MPDZ: variants seen among roughly 807,000 people sequenced by gnomAD.
MPDZ encodes multiple PDZ domain crumbs cell polarity complex component.
A neutral mutation model predicts 239.1 loss-of-function variants in MPDZ; 234 were observed. The ratio of observed to expected loss-of-function variants is 0.98; its 90% CI spans 0.88 to 1.09. The LOEUF is 1.09. MPDZ is among the 50% of genes least tolerant of loss of function. The pLI, the probability that MPDZ is intolerant of heterozygous loss-of-function variation, is 0.00. For missense variants in MPDZ, 3,175 were observed against 2,510.0 expected (o/e 1.26, Z -5.66); for synonymous variants, 1,048 against 881.3 (o/e 1.19, Z -3.35).
chr9:13,266,034 C>A (rs1971718157), intron 1 of MPDZ, among the ~76,000 whole-genome samples: 1 of 152,216 alleles, frequency 6.6e-6, no homozygotes, highest in African/African-American at 2.4e-5. Context: ...CAAATGGCTT[C>A]TCCCGTCCTG....
intron 3 of MPDZ, among the ~76,000 whole-genome samples, chr9:13,226,375 T>C (rs1960616241): frequency 1.3e-5 from 2 of 152,112 alleles, no homozygotes; most frequent in South Asian, 4.1e-4. Flanking sequence ...TGACTTTTTA[T>C]CTGTAACTAC....
chr9:13,201,641 G>T (rs1956401848), intron 12 of MPDZ, among the ~76,000 whole-genome samples: 2 of 151,758 alleles, frequency 1.3e-5, no homozygotes, highest in African/African-American at 4.8e-5. Context: ...TCCTCTGATA[G>T]GGTTATTTCA....
intron 16 of MPDZ, 29 bp from the exon 17 acceptor site, chr9:13,189,022 C>A: frequency 6.3e-7 from 1 of 1,586,920 alleles, no homozygotes; most frequent in Non-Finnish European, 8.6e-7. Flanking sequence ...AAAGAGTCAG[C>A]TCATTTTACA....
At chr9:13,217,593 C>T (rs1206432646) in intron 8 of MPDZ, among the ~76,000 whole-genome samples, 2 of 151,768 alleles carry the variant, frequency 1.3e-5, no homozygotes, top group Non-Finnish European at 2.9e-5. Flanking sequence ...TTAGCAAATT[C>T]TATTTTCAGA....
At chr9:13,112,870 A>G (rs533719367) in intron 42 of MPDZ, 141 bp downstream of exon 42, 1 of 830,964 alleles carries the variant, frequency 1.2e-6, no homozygotes, top group Non-Finnish European at 1.9e-6. Flanking sequence ...GGACTACATT[A>G]TGTTATTTCA....
intron 21 of MPDZ, among the ~76,000 whole-genome samples, chr9:13,169,879 C>A (rs950850407): frequency 6.6e-6 from 1 of 152,124 alleles, no homozygotes; most frequent in Non-Finnish European, 1.5e-5. Flanking sequence ...TTGCCTGACA[C>A]CTTCTTTCTG....
intron 26 of MPDZ, among the ~76,000 whole-genome samples, chr9:13,145,188 A>C (rs956574849): frequency 6.6e-6 from 1 of 152,096 alleles, no homozygotes; most frequent in South Asian, 2.1e-4. Flanking sequence ...AAAGATATTT[A>C]GAAACAGACT....
At chr9:13,139,306 T>C (rs558607844) in intron 28 of MPDZ, among the ~76,000 whole-genome samples, 1 of 152,238 alleles carries the variant, frequency 6.6e-6, no homozygotes, top group Non-Finnish European at 1.5e-5. Flanking sequence ...ATGACATTGA[T>C]AACTTTGGGC....
At chr9:13,169,296 T>A (rs1031019423) in intron 21 of MPDZ, among the ~76,000 whole-genome samples, 3 of 152,168 alleles carry the variant, frequency 2.0e-5, no homozygotes, top group African/African-American at 7.2e-5. Context: ...AATCTTAGCA[T>A]GTATAAAATT....
intron 12 of MPDZ, among the ~76,000 whole-genome samples, chr9:13,197,053 G>A (rs1049179952): frequency 1.3e-5 from 2 of 151,748 alleles, no homozygotes; most frequent in African/African-American, 4.8e-5. Flanking sequence ...TCCTCTTTTA[G>A]TGGGAATATC....
chr9:13,146,731 A>T (rs975405771), intron 26 of MPDZ, among the ~76,000 whole-genome samples: 1 of 152,044 alleles, frequency 6.6e-6, no homozygotes, highest in Admixed American at 6.6e-5. Context: ...CAAAATACTT[A>T]ATAACTGCTG....
intron 39 of MPDZ, among the ~76,000 whole-genome samples, chr9:13,118,507 T>C (rs1435763636): frequency 6.6e-6 from 1 of 152,226 alleles, no homozygotes; most frequent in Non-Finnish European, 1.5e-5. Flanking sequence ...GCTCTACTGC[T>C]GCTGAGCACT....
chr9:13,194,219 T>C (rs1372010620), intron 13 of MPDZ, among the ~76,000 whole-genome samples: 6 of 152,112 alleles, frequency 3.9e-5, no homozygotes, highest in Admixed American at 3.9e-4. Context: ...GGCCCATAAA[T>C]ATCTTAGTCC....
intron 18 of MPDZ, among the ~76,000 whole-genome samples, chr9:13,184,005 T>C (rs1180651552): frequency 6.6e-6 from 1 of 152,084 alleles, no homozygotes; most frequent in African/African-American, 2.4e-5. Flanking sequence ...GGCAATTATA[T>C]ATTTGTAAGC....
intron 1 of MPDZ, among the ~76,000 whole-genome samples, chr9:13,257,418 CTTATT>C (rs1181868057): frequency 6.6e-6 from 1 of 152,132 alleles, no homozygotes; most frequent in Non-Finnish European, 1.5e-5. Context: ...CCTACTGTCC[CTTATT>C]TTAAAGCCCA....
intron 25 of MPDZ, among the ~76,000 whole-genome samples, chr9:13,149,105 A>T (rs1948813039): frequency 1.3e-5 from 2 of 151,890 alleles, no homozygotes; most frequent in Non-Finnish European, 2.9e-5. Flanking sequence ...TAAATAAAAG[A>T]GTTCGTTAAA....
In MPDZ at chr9:13,205,831, CT is replaced by C. The variant is rs1956922743; in HGVS notation, c.1474+84del. 2.4e-6 allele frequency: 3 copies of C among 1,236,604 alleles called. No homozygotes were observed. In the African/African-American group the frequency reaches 4.5e-5, roughly 19 times the overall value. The allele number at this position is 1,236,604 out of a possible 1,614,324, so 76.6% of individuals were successfully genotyped here. A position where few individuals can be genotyped will look rare whatever the true frequency, so the allele number is the denominator to read the frequency against. The stretch of plus-strand genomic sequence containing the variant: ...GCATTCTGAATAATTAAGAACCATT[CT>C]GAAATAGTAAGTTACTTTGGAATTT... On this transcript the variant is annotated intron_variant, in intron 11 of 46. Transcript: ENST00000319217.
At chr9:13,213,048 GCTTA>G (rs911481765) in intron 10 of MPDZ, among the ~76,000 whole-genome samples, 3 of 151,986 alleles carry the variant, frequency 2.0e-5, no homozygotes, top group African/African-American at 7.2e-5. Flanking sequence ...TTATTTATAT[GCTTA>G]TTTAATAATT....
At chr9:13,206,542 C>T (rs887821819) in intron 10 of MPDZ, among the ~76,000 whole-genome samples, 5 of 151,870 alleles carry the variant, frequency 3.3e-5, no homozygotes, top group Admixed American at 1.3e-4. Flanking sequence ...GCACACACCA[C>T]CACACGTGGC....
Sources: gnomAD v4.1 joint callset for allele counts (sites outside exome capture counted in the v4.1 genomes callset) on GRCh38, gnomAD v4.1.1 for gene constraint, MANE v1.5 for transcripts, NCBI Gene and HGNC (gene_info 2026-07-23, HGNC 2026-07-21) for gene names.